TUFT1: variants seen among roughly 807,000 people sequenced by gnomAD.
The protein encoded by TUFT1 is tuftelin.
In TUFT1, 43 loss-of-function variants were observed where a neutral mutation model predicts 57.8. The ratio of observed to expected loss-of-function variants is 0.74; its 90% CI spans 0.58 to 0.96. The LOEUF (loss-of-function observed/expected upper bound fraction) is 0.96. TUFT1 is among the 40% of genes least tolerant of loss of function. The pLI, the probability that TUFT1 is intolerant of heterozygous loss-of-function variation, is 0.00. For missense variants in TUFT1, 459 were observed against 489.0 expected (o/e 0.94, Z 0.58); for synonymous variants, 166 against 176.7 (o/e 0.94, Z 0.48).
At position 151,581,175 on chromosome 1, in the gene TUFT1, A is replaced by G. The variant is rs1438746516; in HGVS notation, c.1109+133A>G. 41 of 838,488 alleles carry G rather than the reference A, an allele frequency of 4.9e-5. No homozygotes were observed. The Admixed American group carries it at 6.9e-4, about 14-fold the overall frequency. 51.9% of individuals were successfully genotyped at this position (838,488 alleles called of 1,614,324 possible). On this transcript the variant is annotated intron_variant, in intron 12 of 12. Transcript: ENST00000368849. ...CAACTTTCCTCCCTCAGTCTGACCC[A>G]CTGTTTGCCGGAACCATTTTCTAGC... is the stretch of plus-strand genomic sequence containing the variant.
chr1:151,546,119 T>C (rs1665331173), intron 1 of TUFT1, among the ~76,000 whole-genome samples: 1 of 152,076 alleles, frequency 6.6e-6, no homozygotes, highest in Non-Finnish European at 1.5e-5. Flanking sequence ...TCTCTCTCTT[T>C]TTCTTTTTCT....
At position 151,563,887 on chromosome 1, in the gene TUFT1, T is replaced by C. The variant is rs777884055; in HGVS notation, c.238-17T>C. ...TTTAATTTGAGGTTTCTTAACTAAA[T>C]GGTGTTCTTATTTCAGGTGTACTTG... is the stretch of plus-strand genomic sequence containing the variant. On this transcript the variant is annotated splice_polypyrimidine_tract_variant and intron_variant, in intron 3 of 12. Coordinates refer to ENST00000368849, the MANE Select transcript of TUFT1 (RefSeq NM_020127.3). 2 of 1,608,120 alleles carry C rather than the reference T, an allele frequency of 1.2e-6. No homozygotes were observed. The highest frequency in any genetic ancestry group is 1.7e-5 in the Admixed American group (1 of 60,014).
At chr1:151,562,459 C>A in intron 2 of TUFT1, 126 bp from the exon 3 acceptor site, 1 of 861,900 alleles carries the variant, frequency 1.2e-6, no homozygotes, top group Non-Finnish European at 1.8e-6. Context: ...GAAAGTCAGA[C>A]TAATCCTTCA....
In TUFT1 at chr1:151,581,943, G is replaced by C; in HGVS notation, c.*236G>C. 1.6e-6 allele frequency: 1 copy of C among 615,176 alleles called. No individual in the cohort carries two copies. Among genetic ancestry groups the C allele is most frequent in the Non-Finnish European group, 2.9e-6 (1 of 341,942 alleles). The allele number at this position is 615,176 out of a possible 1,614,324, so 38.1% of individuals were successfully genotyped here. A position where few individuals can be genotyped will look rare whatever the true frequency, so the allele number is the denominator to read the frequency against. ...TTGGAAGACATTGTCCTGCAAGCAG[G>C]AGCCAGGGCAATATCTATATTCCTA... On this transcript the variant is annotated 3_prime_UTR_variant, in exon 13 of 13. Transcript: ENST00000368849.
At chr1:151,560,465 A>G (rs988923176) in intron 1 of TUFT1, among the ~76,000 whole-genome samples, 2 of 152,172 alleles carry the variant, frequency 1.3e-5, no homozygotes, top group Admixed American at 6.5e-5. Context: ...CCTTTTACAG[A>G]TAAAAACATC....
Position 151,582,572 on chromosome 1 carries a change from T to C in TUFT1, c.*865T>C, listed in dbSNP as rs1666675121. Reference sequence around the variant, plus strand: ...TGGTGGTTTTGCTTACATCTCATGATTGATATAATACCAAAGTTCTATAGC... The same window carrying C: ...TGGTGGTTTTGCTTACATCTCATGACTGATATAATACCAAAGTTCTATAGC... On this transcript the variant is annotated 3_prime_UTR_variant, in exon 13 of 13. Coordinates refer to ENST00000368849, the MANE Select transcript of TUFT1 (RefSeq NM_020127.3). The C allele has an allele frequency of 4.7e-6, 1 of 213,450 alleles. No individual in the cohort carries two copies. The highest frequency in any genetic ancestry group is 9.5e-6 in the Non-Finnish European group (1 of 104,992). 13.2% of individuals were successfully genotyped at this position (213,450 alleles called of 1,614,324 possible). A position where few individuals can be genotyped will look rare whatever the true frequency, so the allele number is the denominator to read the frequency against.
In TUFT1 at chr1:151,579,719, A is replaced by C; in HGVS notation, c.995A>C (p.Tyr332Ser). 1 of 1,613,832 alleles carries C rather than the reference A, an allele frequency of 6.2e-7. No homozygotes were observed. The highest frequency in any genetic ancestry group is 8.5e-7 in the Non-Finnish European group (1 of 1,179,882). ...CAGGAGCTCAAGGAGAAAATCGCCT[A>C]TCTGGAGGCAGAGGTGTGTGTGCTG... ...TIQELKEKIA[Y>S]LEAENLEMHD... is the part of the protein sequence containing the mutation. Residue 332 changes from tyrosine to serine, a missense_variant, in exon 11 of 13, where the codon TAT becomes TCT. Transcript: ENST00000368849.
chr1:151,580,894 C>T lies in TUFT1; in HGVS notation c.1009-48C>T, dbSNP rs190178124. ...GAATGCACTAGCTGAACGTGGCACC[C>T]GGGAAGCCAGAAAAAGGCCAACTCT... On this transcript the variant is annotated intron_variant, in intron 11 of 12. Transcript: ENST00000368849. The T allele has an allele frequency of 1.5e-4, 238 of 1,572,764 alleles. No homozygotes were observed. In the Admixed American group the frequency reaches 2.6e-3, roughly 17 times the overall value.
At chr1:151,580,119 T>G (rs1666601036) in intron 11 of TUFT1, among the ~76,000 whole-genome samples, 1 of 152,092 alleles carries the variant, frequency 6.6e-6, no homozygotes, top group African/African-American at 2.4e-5. Context: ...ACGTAACGAG[T>G]TGCCTTCCTA....
At chr1:151,567,427 T>C (rs1666119765) in intron 6 of TUFT1, among the ~76,000 whole-genome samples, 1 of 151,934 alleles carries the variant, frequency 6.6e-6, no homozygotes, top group Admixed American at 6.6e-5. Context: ...AAAGACAGGG[T>C]CTCATCATGT....
chr1:151,540,631 G>A, intron 1 of TUFT1: 1 of 601,480 alleles, frequency 1.7e-6, no homozygotes, highest in Non-Finnish European at 2.9e-6. Context: ...AGGCTGGAGG[G>A]TTCGGGGCGT....
intron 1 of TUFT1, among the ~76,000 whole-genome samples, chr1:151,556,955 CAG>C (rs1665720385): frequency 6.6e-6 from 1 of 152,156 alleles, no homozygotes; most frequent in Admixed American, 6.5e-5. Flanking sequence ...GCCTGGGTGA[CAG>C]AAACAGAATT....
intron 8 of TUFT1, 51 bp downstream of exon 8, chr1:151,574,449 G>C (rs1014672076): frequency 1.2e-6 from 2 of 1,605,906 alleles, no homozygotes; most frequent in Non-Finnish European, 1.7e-6. Context: ...GCTGGAAGGG[G>C]CCTGCAGGTG....
At chr1:151,561,657 A>G (rs868697221) in intron 1 of TUFT1, 16 of 1,217,786 alleles carry the variant, frequency 1.3e-5, no homozygotes, top group African/African-American at 4.7e-5. Context: ...CCTATAGTTT[A>G]GTTCAGGAAG....
chr1:151,569,578 T>G, intron 6 of TUFT1, 79 bp from the exon 7 acceptor site: 1 of 1,160,356 alleles, frequency 8.6e-7, no homozygotes. Flanking sequence ...CAAACCAGTG[T>G]GTGCCTGGGA....
At chr1:151,564,749 G>T in intron 5 of TUFT1, 135 bp downstream of exon 5, 1 of 726,272 alleles carries the variant, frequency 1.4e-6, no homozygotes, top group Non-Finnish European at 2.3e-6. Flanking sequence ...GGTGATGCTG[G>T]CTTCTCTGGA....
At chr1:151,551,467 A>G (rs145856879) in intron 1 of TUFT1, among the ~76,000 whole-genome samples, 38 of 152,222 alleles carry the variant, frequency 2.5e-4, no homozygotes, top group Non-Finnish European at 5.0e-4. Context: ...GTTAAAGTGC[A>G]GGATATGTAG....
intron 9 of TUFT1, 105 bp from the exon 10 acceptor site, chr1:151,578,616 A>T: frequency 1.1e-6 from 1 of 941,276 alleles, no homozygotes; most frequent in Non-Finnish European, 1.6e-6. Flanking sequence ...AATCAGGCAA[A>T]GGGAATCATA....
At chr1:151,540,521 C>G in intron 1 of TUFT1, 95 bp downstream of exon 1, 4 of 1,435,190 alleles carry the variant, frequency 2.8e-6, no homozygotes, top group Non-Finnish European at 3.9e-6. Context: ...CTGACATCAC[C>G]TGGTGCCCGG....
Sources: allele counts gnomAD v4.1 joint callset (sites outside exome capture counted in the v4.1 genomes callset), GRCh38; gene constraint gnomAD v4.1.1; transcripts MANE v1.5; gene names NCBI Gene and HGNC (gene_info 2026-07-23, HGNC 2026-07-21).